The following PDE3B variants were observed in gnomAD, a reference collection of about 807,000 sequenced individuals.
PDE3B encodes the protein cGMP-inhibited 3',5'-cyclic phosphodiesterase 3B.
Under a neutral mutation model 116.8 loss-of-function variants are expected in PDE3B, and 66 were observed. The observed-to-expected ratio is 0.56, with a 90% CI of 0.46 to 0.69. The LOEUF is 0.69. Among genes scored for constraint, PDE3B ranks in the 30% least tolerant of loss-of-function variants. The probability of loss-of-function intolerance (pLI) is 0.00; values close to 1 mark genes in which losing one functional copy is unlikely to be tolerated. For synonymous variants in PDE3B, 595 were observed against 533.6 expected (o/e 1.12, Z -1.59); for missense variants, 1,384 against 1,368.1 (o/e 1.01, Z -0.18).
intron 1 of PDE3B, among the ~76,000 whole-genome samples, chr11:14,731,965 G>T (rs1296296218): frequency 6.6e-6 from 1 of 152,144 alleles, no homozygotes; most frequent in South Asian, 2.1e-4. Flanking sequence ...GAAGGGTAAA[G>T]GGGAATTCTA....
rs534665595 is a variant in PDE3B, at chr11:14,660,467, AT to A, written c.978+15424del. On this transcript the variant is annotated intron_variant, in intron 1 of 15. Transcript: ENST00000282096. ...CAGGCACGTGCCACCATTCCTGGCTATTTTTTTTTTGTATTTTGTAGAGATG... is the reference window on the plus strand; with the variant it reads ...CAGGCACGTGCCACCATTCCTGGCTATTTTTTTTTGTATTTTGTAGAGATG... Among the ~76,000 whole-genome samples, 95 of 145,496 alleles carry A rather than the reference AT, an allele frequency of 6.5e-4. 1 individual carries two copies. Among genetic ancestry groups the A allele is most frequent in the African/African-American group, 2.1e-3 (82 of 39,720 alleles).
intron 4 of PDE3B, among the ~76,000 whole-genome samples, chr11:14,803,108 TA>T (rs1858821711): frequency 6.6e-6 from 1 of 152,152 alleles, no homozygotes; most frequent in African/African-American, 2.4e-5. Context: ...CAGTGTAAGT[TA>T]GGGGGGAATA....
the PDE3B span, chr11:14,885,673 T>G: frequency 4.1e-6 from 5 of 1,217,462 alleles, no homozygotes; most frequent in African/African-American, 6.1e-5. Context: ...AGTTTCTTAT[T>G]AATCAGTATA....
chr11:14,810,037 C>T (rs2133941041), intron 5 of PDE3B, among the ~76,000 whole-genome samples: 1 of 152,040 alleles, frequency 6.6e-6, no homozygotes, highest in Non-Finnish European at 1.5e-5. Flanking sequence ...CAGAAATCTA[C>T]AGATTGGCTA....
At chr11:14,715,696 T>C (rs1855857462) in intron 1 of PDE3B, among the ~76,000 whole-genome samples, 1 of 152,226 alleles carries the variant, frequency 6.6e-6, no homozygotes, top group Non-Finnish European at 1.5e-5. Context: ...AATCATGTTA[T>C]CTGCAAACAG....
rs150090666 is a variant in PDE3B at position 14,843,853 on chromosome 11, C to T, written c.2347C>T (p.Arg783Ter). 8.1e-4 allele frequency: 1,309 copies of T among 1,613,514 alleles called. 1 individual carries two copies. The highest frequency in any genetic ancestry group is 9.9e-4 in the Non-Finnish European group (1,173 of 1,179,612). The change falls in exon 12 of 16, where the codon CGA becomes TGA. Residue 783 changes from arginine (R) to a stop codon, truncating the protein, a stop_gained. Transcript: ENST00000282096. LOFTEE classifies it high-confidence loss of function. Reference sequence around the variant, plus strand: ...TTCTGATGGTAGAATTAACCATGGGCGAATTGCTTATATTTCTTCGAAGAG... The same window carrying T: ...TTCTGATGGTAGAATTAACCATGGGTGAATTGCTTATATTTCTTCGAAGAG... ...TDSDGRINHG[R>*]IAYISSKSCS...
intron 10 of PDE3B, 91 bp downstream of exon 10, chr11:14,832,924 C>T (rs574663165): frequency 2.1e-5 from 13 of 608,492 alleles, no homozygotes; most frequent in Non-Finnish European, 3.8e-5. Context: ...CCCTTAAACA[C>T]TTTTAAAACT....
At chr11:14,712,351 C>T (rs1855729230) in intron 1 of PDE3B, among the ~76,000 whole-genome samples, 1 of 151,804 alleles carries the variant, frequency 6.6e-6, no homozygotes, top group African/African-American at 2.4e-5. Context: ...TCCCAAAGCA[C>T]TGAGATTATA....
chr11:14,732,426 G>A (rs1053898623), intron 1 of PDE3B, among the ~76,000 whole-genome samples: 6 of 152,112 alleles, frequency 3.9e-5, no homozygotes, highest in Admixed American at 2.6e-4. Context: ...ATTGAGAACC[G>A]TGGCTTTAGA....
chr11:14,818,056 AT>A, intron 5 of PDE3B, 126 bp from the exon 6 acceptor site: 1 of 652,620 alleles, frequency 1.5e-6, no homozygotes, highest in African/African-American at 1.8e-5. Context: ...GGAATTTATA[AT>A]TTATTTGTAA....
chr11:14,644,360 C>A lies in PDE3B; in HGVS notation c.285C>A (p.Gly95=), dbSNP rs1249445687. The change falls in exon 1 of 16, where the codon GGC becomes GGA. Residue 95 remains glycine (G), a synonymous_variant. Coordinates refer to ENST00000282096, the MANE Select transcript of PDE3B (RefSeq NM_000922.4). ...CCTTTGTCCTCGCCCTGCTGCTGGGCGCGGAACCCGAGAGCTGGGCTGCCG... is the reference window on the plus strand; with the variant it reads ...CCTTTGTCCTCGCCCTGCTGCTGGGAGCGGAACCCGAGAGCTGGGCTGCCG... ...LAAFVLALLL[G]AEPESWAAGA... The A allele has an allele frequency of 1.3e-6, 2 of 1,593,650 alleles. No individual in the cohort carries two copies. The highest frequency in any genetic ancestry group is 1.7e-4 in the Middle Eastern group (1 of 5,966).
At chr11:14,735,873 A>C (rs933437254) in intron 1 of PDE3B, among the ~76,000 whole-genome samples, 1 of 152,146 alleles carries the variant, frequency 6.6e-6, no homozygotes, top group Admixed American at 6.5e-5. Flanking sequence ...GATGAATCAC[A>C]TAGGGGATAA....
chr11:14,849,725 A>G (rs927010327), intron 12 of PDE3B, among the ~76,000 whole-genome samples: 2 of 152,218 alleles, frequency 1.3e-5, no homozygotes, highest in Admixed American at 6.5e-5. Flanking sequence ...CAGCCAAAAA[A>G]CACGTGAAAA....
intron 9 of PDE3B, 75 bp downstream of exon 9, chr11:14,831,852 T>C (rs576876063): frequency 4.7e-5 from 49 of 1,040,968 alleles, no homozygotes; most frequent in Admixed American, 1.3e-4. Flanking sequence ...AAATCTAATA[T>C]GTAATGGTTT....
chr11:14,784,833 TAAAGTG>T (rs1565136015), intron 2 of PDE3B, among the ~76,000 whole-genome samples: 2 of 152,158 alleles, frequency 1.3e-5, no homozygotes, highest in African/African-American at 2.4e-5. Flanking sequence ...CTTGTATTGT[TAAAGTG>T]AAAGTCACAC....
chr11:14,858,263 C>A (rs957850320), intron 12 of PDE3B, among the ~76,000 whole-genome samples: 21 of 29,774 alleles, frequency 7.1e-4, no homozygotes, highest in African/African-American at 1.9e-3. Context: ...CACAACTTGG[C>A]TGTAGAAGTT....
intron 1 of PDE3B, among the ~76,000 whole-genome samples, chr11:14,710,090 T>C (rs1283386519): frequency 6.6e-6 from 1 of 152,192 alleles, no homozygotes; most frequent in Non-Finnish European, 1.5e-5. Flanking sequence ...TGAATGAGCA[T>C]ACATACACCC....
At chr11:14,690,263 AAT>A (rs1855007520) in intron 1 of PDE3B, among the ~76,000 whole-genome samples, 2 of 152,210 alleles carry the variant, frequency 1.3e-5, no homozygotes, top group South Asian at 2.1e-4. Flanking sequence ...AATGAAAGAA[AAT>A]ATATGAGTTT....
chr11:14,781,887 T>C (rs146001219), intron 2 of PDE3B, among the ~76,000 whole-genome samples: 1,832 of 152,276 alleles, frequency 0.012, 91 homozygotes, highest in East Asian at 0.054. Flanking sequence ...TGTTTGCAGA[T>C]GACATGATTG....
Sources: allele counts gnomAD v4.1 joint callset (sites outside exome capture counted in the v4.1 genomes callset), GRCh38; gene constraint gnomAD v4.1.1; transcripts MANE v1.5; gene names NCBI Gene and HGNC (gene_info 2026-07-23, HGNC 2026-07-21).